The following SDK2 variants were observed in gnomAD, a reference collection of about 807,000 sequenced individuals.
SDK2 encodes the protein protein sidekick-2.
SDK2 carries 105 observed loss-of-function variants against 253.9 expected under a neutral mutation model. The observed-to-expected ratio is 0.41, with a 90% CI of 0.35 to 0.49. SDK2 has a LOEUF of 0.49. SDK2 is among the 20% of genes least tolerant of loss of function. The pLI, the probability that SDK2 is intolerant of heterozygous loss-of-function variation, is 0.06. For missense variants in SDK2, 2,608 were observed against 3,003.0 expected, an observed-to-expected ratio of 0.87 and a Z score of 3.07; for synonymous variants, 1,249 against 1,234.9, an observed-to-expected ratio of 1.01 and a Z score of -0.24.
chr17:73,513,985 C>T (rs567900645), intron 1 of SDK2, among the ~76,000 whole-genome samples: 1 of 152,244 alleles, frequency 6.6e-6, no homozygotes, highest in African/African-American at 2.4e-5. Flanking sequence ...TGCCCGGGGA[C>T]TTGGGTTGGG....
chr17:73,598,137 C>T (rs1192694272), intron 1 of SDK2, among the ~76,000 whole-genome samples: 1 of 152,118 alleles, frequency 6.6e-6, no homozygotes, highest in Non-Finnish European at 1.5e-5. Flanking sequence ...GCTAGGATCC[C>T]GTGCCCCAAC....
rs2145608493 is a variant in SDK2 at position 73,431,386 on chromosome 17, A to G, written c.1480+116T>C. The G allele has an allele frequency of 1.0e-6, 1 of 999,716 alleles. No homozygotes were observed. The highest frequency in any genetic ancestry group is 1.4e-6 in the Non-Finnish European group (1 of 694,586). The allele number at this position is 999,716 out of a possible 1,614,324, so 61.9% of individuals were successfully genotyped here. On this transcript the variant is annotated intron_variant, in intron 11 of 44. Transcript: ENST00000392650. This position sits in a 1 kb window ranked among gnomAD's most constrained non-coding sequence, Gnocchi z 5.6. ...GCCCTGACTGGGACAGACACTGGGGATGGAGACACTGGTGGTATGAGCCTG... is the reference window on the plus strand; with the variant it reads ...GCCCTGACTGGGACAGACACTGGGGGTGGAGACACTGGTGGTATGAGCCTG...
intron 1 of SDK2, among the ~76,000 whole-genome samples, chr17:73,540,662 A>G (rs1305261184): frequency 6.6e-6 from 1 of 152,196 alleles, no homozygotes; most frequent in Non-Finnish European, 1.5e-5. Context: ...TGCTTTCACC[A>G]AAAGGTCCTT....
rs938234026 is a variant in SDK2, at chr17:73,519,270, C to A, written c.65-11673G>T. 1.3e-5 allele frequency: 2 copies of A among 152,264 alleles called. 1 individual carries two copies. Among genetic ancestry groups the A allele is most frequent in the South Asian group, 4.1e-4 (2 of 4,834 alleles). 9.4% of individuals were successfully genotyped at this position (152,264 alleles called of 1,614,324 possible). On this transcript the variant is annotated intron_variant, in intron 1 of 44. Coordinates refer to ENST00000392650, the MANE Select transcript of SDK2 (RefSeq NM_001144952.2). ...AGCCCCTGTTCCTCCTCTTGCCCAC[C>A]CTTGGAGACGGGCCATCACCTAAGA...
intron 1 of SDK2, among the ~76,000 whole-genome samples, chr17:73,550,853 C>T (rs949440842): frequency 7.9e-5 from 12 of 152,086 alleles, no homozygotes; most frequent in Admixed American, 6.5e-4. Context: ...TTGCTGGATC[C>T]CAGGGCGAGT....
intron 1 of SDK2, among the ~76,000 whole-genome samples, chr17:73,538,777 T>A (rs2044820277): frequency 6.6e-6 from 1 of 152,134 alleles, no homozygotes; most frequent in Admixed American, 6.5e-5. Flanking sequence ...GCCACAGCCA[T>A]TTCGTCTCAG....
rs1381882257 is a variant in SDK2, at chr17:73,609,407, A to C, written c.64+34618T>G. Among the ~76,000 whole-genome samples the C allele has an allele frequency of 6.6e-6, 1 of 152,200 alleles. No homozygotes were observed. Among genetic ancestry groups the C allele is most frequent in the Non-Finnish European group, 1.5e-5 (1 of 68,038 alleles). The stretch of plus-strand genomic sequence containing the variant: ...ACCAAACTGAGAGCCAGCCAAGAGA[A>C]GACCACGATGGACCTAGTCGCAGGG... On this transcript the variant is annotated intron_variant, in intron 1 of 44. Coordinates refer to ENST00000392650, the MANE Select transcript of SDK2 (RefSeq NM_001144952.2). This position sits in a 1 kb window ranked among gnomAD's most constrained non-coding sequence, Gnocchi z 4.4.
chr17:73,638,806 C>CTTTTTTT lies in SDK2; in HGVS notation c.64+5212_64+5218dup, dbSNP rs1223522657. Among the ~76,000 whole-genome samples, 4 of 138,992 alleles carry CTTTTTTT rather than the reference C, an allele frequency of 2.9e-5. 1 individual carries two copies. The highest frequency in any genetic ancestry group is 8.1e-5 in the African/African-American group (3 of 37,200). The allele number at this position is 138,992 out of a possible 152,430, so 91.2% of individuals were successfully genotyped here. ...ACAACTCTAAAAGGTAGATAACAGT[C>CTTTTTTT]TTTTTTTTTTTTTTTTTTAATGAGA... On this transcript the variant is annotated intron_variant, in intron 1 of 44. Transcript: ENST00000392650.
rs1048312397 is a variant in SDK2 at position 73,402,100 on chromosome 17, C to G, written c.2526G>C (p.Met842Ile). 2 of 1,614,022 alleles carry G rather than the reference C, an allele frequency of 1.2e-6. No individual in the cohort carries two copies. The highest frequency in any genetic ancestry group is 8.5e-7 in the Non-Finnish European group (1 of 1,179,876). ...WEPEQEEEVT[M>I]VTARPNFQDS... The stretch of plus-strand genomic sequence containing the variant: ...CTTGAAAGTTAGGCCGGGCGGTCAC[C>G]ATGGTAACCTCCTCTTCCTGTTCCG... Residue 842 changes from methionine (M) to isoleucine (I), a missense_variant, in exon 19 of 45, where the codon ATG becomes ATC. Physicochemically the swap from Met to Ile is conservative, Grantham distance 10 (BLOSUM62 1). Around this residue, in one of 2 missense-constraint regions of SDK2, gnomAD observed 1,505 missense variants for 1,859.1 expected, o/e 0.81. Coordinates refer to ENST00000392650, the MANE Select transcript of SDK2 (RefSeq NM_001144952.2).
intron 39 of SDK2, among the ~76,000 whole-genome samples, chr17:73,359,352 C>T (rs1261928329): frequency 6.6e-6 from 1 of 152,178 alleles, no homozygotes; most frequent in East Asian, 1.9e-4. Context: ...CCCCTATGCC[C>T]ACCCCACAGC....
intron 2 of SDK2, among the ~76,000 whole-genome samples, chr17:73,505,467 T>C (rs2063927190): frequency 6.8e-6 from 1 of 146,936 alleles, no homozygotes; most frequent in Non-Finnish European, 1.5e-5. Flanking sequence ...ATTGCTATCA[T>C]CATTGTTATT....
chr17:73,459,019 A>T (rs2063547423), intron 3 of SDK2, among the ~76,000 whole-genome samples: 1 of 152,048 alleles, frequency 6.6e-6, no homozygotes, highest in Non-Finnish European at 1.5e-5. Context: ...GAAAACAAAA[A>T]CTAAAACAAA....
intron 1 of SDK2, among the ~76,000 whole-genome samples, chr17:73,524,768 C>T (rs573572721): frequency 6.6e-6 from 1 of 152,196 alleles, no homozygotes; most frequent in East Asian, 1.9e-4. Context: ...TCAGTGTAGA[C>T]CCTGGGATTG....
chr17:73,564,589 T>C (rs992187184), intron 1 of SDK2, among the ~76,000 whole-genome samples: 1 of 148,510 alleles, frequency 6.7e-6, no homozygotes, highest in African/African-American at 2.5e-5. Flanking sequence ...CTTTGGGAGG[T>C]CGAGACAGGT....
In SDK2 at chr17:73,644,146, A is replaced by C; in HGVS notation, c.-58T>G. The C allele has an allele frequency of 7.1e-7, 1 of 1,417,570 alleles. No individual in the cohort carries two copies. The highest frequency in any genetic ancestry group is 9.7e-7 in the Non-Finnish European group (1 of 1,025,926). The allele number at this position is 1,417,570 out of a possible 1,614,324, so 87.8% of individuals were successfully genotyped here. A position where few individuals can be genotyped will look rare whatever the true frequency, so the allele number is the denominator to read the frequency against. On this transcript the variant is annotated 5_prime_UTR_variant, in exon 1 of 45. Transcript: ENST00000392650. This position sits in a 1 kb window ranked among gnomAD's most constrained non-coding sequence, Gnocchi z 6.3. Reference sequence around the variant, plus strand: ...TCCCTTCCCTCCGCCCTGTTTTATAATCCTGGTGGGGTCCGATACCCCGTG... The same window carrying C: ...TCCCTTCCCTCCGCCCTGTTTTATACTCCTGGTGGGGTCCGATACCCCGTG...
rs568742295 is a variant in SDK2 at position 73,431,415 on chromosome 17, C to T, written c.1480+87G>A. On this transcript the variant is annotated intron_variant, in intron 11 of 44. Transcript: ENST00000392650. This position sits in a 1 kb window ranked among gnomAD's most constrained non-coding sequence, Gnocchi z 5.6. ...AGACACTGGTGGTATGAGCCTGTGC[C>T]CCGTAGCTGTCCTGAGTCCTCAGCA... The T allele has an allele frequency of 1.5e-6, 2 of 1,330,516 alleles. No homozygotes were observed. Among genetic ancestry groups the T allele is most frequent in the Non-Finnish European group, 2.1e-6 (2 of 974,344 alleles). The allele number at this position is 1,330,516 out of a possible 1,614,324, so 82.4% of individuals were successfully genotyped here. A position where few individuals can be genotyped will look rare whatever the true frequency, so the allele number is the denominator to read the frequency against.
intron 2 of SDK2, among the ~76,000 whole-genome samples, chr17:73,502,841 G>A (rs541167739): frequency 3.9e-5 from 6 of 152,308 alleles, no homozygotes; most frequent in Non-Finnish European, 7.3e-5. Context: ...CATCAATAAC[G>A]AAGGGAAGAA....
At chr17:73,548,565 G>T (rs2045004450) in intron 1 of SDK2, among the ~76,000 whole-genome samples, 1 of 152,264 alleles carries the variant, frequency 6.6e-6, no homozygotes, top group Non-Finnish European at 1.5e-5. Context: ...TGGCACAGAA[G>T]CTGGGAGCAC....
At chr17:73,381,444 C>G (rs2062829817) in intron 33 of SDK2, among the ~76,000 whole-genome samples, 1 of 151,882 alleles carries the variant, frequency 6.6e-6, no homozygotes, top group Admixed American at 6.6e-5. Flanking sequence ...AAAAGTCCAC[C>G]AAAAACGCAA....
Sources: gnomAD v4.1 joint callset for allele counts (sites outside exome capture counted in the v4.1 genomes callset) on GRCh38, gnomAD v4.1.1 for gene constraint, gnomAD v4.1.1 regional missense constraint, Gnocchi (gnomAD v3.1) non-coding constraint, MANE v1.5 for transcripts, NCBI Gene and HGNC (gene_info 2026-07-23, HGNC 2026-07-21) for gene names.